DLGAP2: variants seen among roughly 807,000 people sequenced by gnomAD.
DLGAP2 encodes the protein DLG associated protein 2.
Under a neutral mutation model 100.3 loss-of-function variants are expected in DLGAP2, and 26 were observed. The observed-to-expected ratio is 0.26, with a 90% CI of 0.19 to 0.36. The LOEUF (loss-of-function observed/expected upper bound fraction) is 0.36, where lower values mean the gene tolerates loss of function less well. Ranked by LOEUF, DLGAP2 falls within the 10% of genes least tolerant of loss-of-function variation. The pLI is 1.00. For missense variants in DLGAP2, 1,858 were observed against 1,453.2 expected (o/e 1.28, Z -4.53); for synonymous variants, 886 against 630.1 (o/e 1.41, Z -6.08).
chr8:1,550,808 G>A (rs1177925854), intron 5 of DLGAP2, among the ~76,000 whole-genome samples: 1 of 152,222 alleles, frequency 6.6e-6, no homozygotes, highest in Non-Finnish European at 1.5e-5. Context: ...TACTTCTGAG[G>A]ATGCCACTCA....
intron 3 of DLGAP2, among the ~76,000 whole-genome samples, chr8:1,429,387 G>C (rs1009624669): frequency 1.3e-5 from 2 of 152,134 alleles, no homozygotes; most frequent in African/African-American, 4.8e-5. Context: ...CACTGTAGTG[G>C]CTGCTGTCAC....
At chr8:1,354,048 A>G (rs1401516047) in intron 3 of DLGAP2, among the ~76,000 whole-genome samples, 1 of 152,212 alleles carries the variant, frequency 6.6e-6, no homozygotes, top group Non-Finnish European at 1.5e-5. Context: ...AAGGATGAAT[A>G]GGTGCAGGCT....
At chr8:1,511,163 T>C (rs1429518967) in intron 4 of DLGAP2, among the ~76,000 whole-genome samples, 1 of 151,628 alleles carries the variant, frequency 6.6e-6, no homozygotes, top group Non-Finnish European at 1.5e-5. Context: ...GGCTGTCTAG[T>C]GTAGGACAAT....
At chr8:1,353,461 C>A (rs183838316) in intron 3 of DLGAP2, among the ~76,000 whole-genome samples, 1 of 152,126 alleles carries the variant, frequency 6.6e-6, no homozygotes, top group Non-Finnish European at 1.5e-5. Context: ...GGCTTTGTGC[C>A]GGATGATCTT....
chr8:911,126 G>A (rs921040451), intron 2 of DLGAP2, among the ~76,000 whole-genome samples: 2 of 152,134 alleles, frequency 1.3e-5, no homozygotes, highest in African/African-American at 4.8e-5. Flanking sequence ...ATAGCCAGGT[G>A]TTCCTCCTAG....
chr8:1,606,064 T>C lies in DLGAP2; in HGVS notation c.1443-20676T>C, dbSNP rs375119860. Among the ~76,000 whole-genome samples the C allele has an allele frequency of 1.2e-4, 19 of 152,318 alleles. No individual in the cohort carries two copies. The East Asian group carries it at 2.9e-3, about 23-fold the overall frequency. ...GAAAGTATTTGTGGAAAATGAATTATCGTTAACTCTGCTGCCCCAGAGCTC... is the reference window on the plus strand; with the variant it reads ...GAAAGTATTTGTGGAAAATGAATTACCGTTAACTCTGCTGCCCCAGAGCTC... On this transcript the variant is annotated intron_variant, in intron 6 of 14. Coordinates refer to ENST00000637795, the MANE Select transcript of DLGAP2 (RefSeq NM_001346810.2).
chr8:1,057,370 G>A (rs780475762), intron 2 of DLGAP2, among the ~76,000 whole-genome samples: 11 of 152,224 alleles, frequency 7.2e-5, no homozygotes, highest in South Asian at 2.1e-4. Flanking sequence ...TACAGTTCAT[G>A]TTAATCCAAA....
intron 1 of DLGAP2, among the ~76,000 whole-genome samples, chr8:880,220 G>A (rs919062280): frequency 1.3e-4 from 20 of 152,044 alleles, no homozygotes; most frequent in African/African-American, 3.9e-4. Flanking sequence ...TTGTTCCTCC[G>A]TCCCTCTTTT....
chr8:1,644,277 A>G (rs2130799987), intron 8 of DLGAP2, among the ~76,000 whole-genome samples: 1 of 152,288 alleles, frequency 6.6e-6, no homozygotes, highest in South Asian at 2.1e-4. Flanking sequence ...CCGCCCGACC[A>G]AGAGCCTCGT....
chr8:1,412,142 C>T (rs1431041922), intron 3 of DLGAP2, among the ~76,000 whole-genome samples: 1 of 152,234 alleles, frequency 6.6e-6, no homozygotes, highest in Non-Finnish European at 1.5e-5. Context: ...CTCCTCCTCA[C>T]CTGTGCTCCC....
intron 2 of DLGAP2, among the ~76,000 whole-genome samples, chr8:1,077,315 G>C (rs1390156460): frequency 6.6e-6 from 1 of 152,168 alleles, no homozygotes; most frequent in East Asian, 1.9e-4. Context: ...TAGGGCTTCA[G>C]CACATGCCCC....
intron 2 of DLGAP2, among the ~76,000 whole-genome samples, chr8:1,112,982 T>C (rs113616326): frequency 2.6e-5 from 4 of 152,344 alleles, no homozygotes; most frequent in African/African-American, 9.6e-5. Context: ...ATTAATTATT[T>C]TTGTCAGCTT....
At position 1,703,926 on chromosome 8, in the gene DLGAP2, G is replaced by A. The variant is rs1251329526; in HGVS notation, c.*2520G>A. 6.6e-6 allele frequency: 1 copy of A among 152,666 alleles called. No homozygotes were observed. Among genetic ancestry groups the A allele is most frequent in the Non-Finnish European group, 1.5e-5 (1 of 68,072 alleles). The allele number at this position is 152,666 out of a possible 1,614,324, so 9.5% of individuals were successfully genotyped here. On this transcript the variant is annotated 3_prime_UTR_variant, in exon 15 of 15. Transcript: ENST00000637795. The stretch of plus-strand genomic sequence containing the variant: ...CCTGCCTGGTCCGCCATGTTCCAAA[G>A]AAGATGATTTAATGGTAGAACGGAT...
intron 2 of DLGAP2, among the ~76,000 whole-genome samples, chr8:951,392 C>A (rs1476569719): frequency 6.6e-6 from 1 of 152,096 alleles, no homozygotes; most frequent in Non-Finnish European, 1.5e-5. Context: ...TTACAGGCAC[C>A]TGCCACCACA....
intron 8 of DLGAP2, among the ~76,000 whole-genome samples, chr8:1,638,172 G>A (rs981292465): frequency 2.6e-5 from 4 of 152,122 alleles, no homozygotes; most frequent in Non-Finnish European, 5.9e-5. Context: ...GGGATCTGTG[G>A]CTGAGTTGTG....
At chr8:903,596 T>C (rs767692343) in intron 1 of DLGAP2, among the ~76,000 whole-genome samples, 1 of 152,120 alleles carries the variant, frequency 6.6e-6, no homozygotes, top group Non-Finnish European at 1.5e-5. Flanking sequence ...CTGCTTGGTA[T>C]GAGTGTTATT....
intron 8 of DLGAP2, among the ~76,000 whole-genome samples, chr8:1,633,708 C>G (rs980286812): frequency 2.0e-5 from 3 of 152,022 alleles, no homozygotes; most frequent in Non-Finnish European, 4.4e-5. Context: ...ACACAGCAAG[C>G]AATAAAAGCT....
rs533804951 is a variant in DLGAP2 at position 1,696,783 on chromosome 8, T to C, written c.2797-364T>C. Among the ~76,000 whole-genome samples, 3 of 152,256 alleles carry C rather than the reference T, an allele frequency of 2.0e-5. No homozygotes were observed. In the South Asian group the frequency reaches 6.2e-4, roughly 32 times the overall value. ...TTCCCCACTGCCACCACCAGGCCAA[T>C]ACCACGGCAGGCTCACGGAGCCCTG... On this transcript the variant is annotated intron_variant, in intron 13 of 14. Transcript: ENST00000637795.
intron 2 of DLGAP2, among the ~76,000 whole-genome samples, chr8:928,334 G>A (rs1429138087): frequency 6.6e-6 from 1 of 152,134 alleles, no homozygotes; most frequent in Non-Finnish European, 1.5e-5. Context: ...TACGGAGGTC[G>A]AGTTTGCGTT....
Sources: allele counts gnomAD v4.1 joint callset (sites outside exome capture counted in the v4.1 genomes callset), GRCh38; gene constraint gnomAD v4.1.1; transcripts MANE v1.5; gene names NCBI Gene and HGNC (gene_info 2026-07-23, HGNC 2026-07-21).